Variants in AGBL4 observed in about 807,000 individuals in gnomAD.
The protein encoded by AGBL4 is AGBL carboxypeptidase 4, also known as cytosolic carboxypeptidase 6.
In AGBL4, 58 loss-of-function variants were observed where a neutral mutation model predicts 66.4. The ratio of observed to expected loss-of-function variants is 0.87; its 90% CI spans 0.71 to 1.09. The LOEUF is 1.09. AGBL4 is among the 50% of genes least tolerant of loss of function. The pLI is 0.00. For missense variants in AGBL4, 579 were observed against 631.0 expected (o/e 0.92, Z 0.88); for synonymous variants, 234 against 222.9 (o/e 1.05, Z -0.44).
chr1:49,847,720 G>C (rs1350524483), intron 2 of AGBL4, among the ~76,000 whole-genome samples: 1 of 111,684 alleles, frequency 9.0e-6, no homozygotes, highest in East Asian at 2.6e-4. Flanking sequence ...TTTTTTTTTT[G>C]AGATGGAGTC....
intron 1 of AGBL4, among the ~76,000 whole-genome samples, chr1:49,950,359 C>G (rs1656047288): frequency 6.6e-6 from 1 of 150,926 alleles, no homozygotes; most frequent in Non-Finnish European, 1.5e-5. Flanking sequence ...TATGAGGATG[C>G]AAACGCATAA....
intron 5 of AGBL4, among the ~76,000 whole-genome samples, chr1:48,900,965 A>G (rs1220882189): frequency 6.6e-6 from 1 of 152,204 alleles, no homozygotes; most frequent in African/African-American, 2.4e-5. Flanking sequence ...TGCAAATAAT[A>G]TATCTGATAA....
intron 10 of AGBL4, among the ~76,000 whole-genome samples, chr1:48,590,263 G>A (rs1389644399): frequency 1.3e-5 from 2 of 151,986 alleles, no homozygotes; most frequent in Admixed American, 6.6e-5. Context: ...AAAATTAGGC[G>A]GGTGTGGTGG....
At chr1:49,293,977 A>C (rs1228556358) in intron 3 of AGBL4, among the ~76,000 whole-genome samples, 1 of 152,198 alleles carries the variant, frequency 6.6e-6, no homozygotes. Context: ...GCAGAACTAA[A>C]TCTAAATGTC....
chr1:49,316,818 T>A (rs1264947997), intron 3 of AGBL4, among the ~76,000 whole-genome samples: 1 of 151,906 alleles, frequency 6.6e-6, no homozygotes, highest in African/African-American at 2.4e-5. Flanking sequence ...AATGCTTATA[T>A]CACTGTTTAT....
intron 3 of AGBL4, among the ~76,000 whole-genome samples, chr1:49,581,698 A>G (rs1644544632): frequency 6.6e-6 from 1 of 152,138 alleles, no homozygotes; most frequent in South Asian, 2.1e-4. Context: ...TGAATGCCAG[A>G]TGGACCCTTC....
chr1:48,772,793 G>A (rs1262293816), intron 6 of AGBL4, among the ~76,000 whole-genome samples: 1 of 152,224 alleles, frequency 6.6e-6, no homozygotes, highest in Non-Finnish European at 1.5e-5. Context: ...TGACCTGAAT[G>A]CAGGCAGTGA....
chr1:49,290,147 G>A (rs1007358699), intron 3 of AGBL4, among the ~76,000 whole-genome samples: 4 of 152,118 alleles, frequency 2.6e-5, no homozygotes, highest in African/African-American at 9.7e-5. Flanking sequence ...ATTTGTATAT[G>A]TTAGGCTTTT....
chr1:49,917,294 T>C (rs1443568133), intron 1 of AGBL4, among the ~76,000 whole-genome samples: 1 of 151,668 alleles, frequency 6.6e-6, no homozygotes, highest in Non-Finnish European at 1.5e-5. Context: ...GACTGGCAAA[T>C]TGGATAAACA....
chr1:49,021,732 T>C (rs1345541884), intron 5 of AGBL4, among the ~76,000 whole-genome samples: 1 of 152,200 alleles, frequency 6.6e-6, no homozygotes, highest in African/African-American at 2.4e-5. Flanking sequence ...AAATTGTTCC[T>C]TTTTGTTGAC....
chr1:48,727,766 CCCGATGGATCCCTGCACACACACCA>C, intron 6 of AGBL4: 1 of 949,218 alleles, frequency 1.1e-6, no homozygotes, highest in Non-Finnish European at 1.6e-6. Context: ...GACCCCAGAA[CCCGATGGATCCCTGCACACACACCA>C]CCATGCACGG....
At position 49,395,613 on chromosome 1, in the gene AGBL4, CAT is replaced by C. The variant is rs1274163801; in HGVS notation, c.283-149751_283-149750del. 2.0e-5 allele frequency among the ~76,000 whole-genome samples: 3 copies of C among 148,150 alleles called. No homozygotes were observed. The Admixed American group carries it at 2.0e-4, about 10-fold the overall frequency. On this transcript the variant is annotated intron_variant, in intron 3 of 13. Coordinates refer to ENST00000371839, the MANE Select transcript of AGBL4 (RefSeq NM_032785.4). ...GTGTCTGTGTGTGTAGTGAACTGCA[CAT>C]GTGAGGGATCTAAGTTGCATGTTCC...
At chr1:49,352,781 C>T (rs1255938356) in intron 3 of AGBL4, among the ~76,000 whole-genome samples, 1 of 152,210 alleles carries the variant, frequency 6.6e-6, no homozygotes. Flanking sequence ...CATGTTACTG[C>T]TAATCCTCAT....
chr1:49,421,812 G>T (rs895429701), intron 3 of AGBL4, among the ~76,000 whole-genome samples: 1 of 152,130 alleles, frequency 6.6e-6, no homozygotes, highest in Non-Finnish European at 1.5e-5. Context: ...AGATTTGTCT[G>T]CCAAGTTTCA....
chr1:49,029,585 TG>T (rs1291170000), intron 5 of AGBL4, among the ~76,000 whole-genome samples: 2 of 152,144 alleles, frequency 1.3e-5, no homozygotes, highest in Admixed American at 6.6e-5. Flanking sequence ...AATTAAATAT[TG>T]TTGATATGGC....
At chr1:49,625,011 C>T (rs554560602) in intron 3 of AGBL4, among the ~76,000 whole-genome samples, 2 of 152,108 alleles carry the variant, frequency 1.3e-5, no homozygotes, top group African/African-American at 4.8e-5. Context: ...CTCCTGTGCT[C>T]ACATAGGAGG....
chr1:48,547,188 T>C (rs1340550508), intron 11 of AGBL4, among the ~76,000 whole-genome samples: 1 of 152,062 alleles, frequency 6.6e-6, no homozygotes, highest in Non-Finnish European at 1.5e-5. Context: ...ACTGAAGAGT[T>C]TGAAGCAGGA....
intron 2 of AGBL4, among the ~76,000 whole-genome samples, chr1:49,837,646 C>T (rs1485123972): frequency 6.6e-6 from 1 of 152,078 alleles, no homozygotes; most frequent in African/African-American, 2.4e-5. Context: ...GGAGATCGGA[C>T]CATCCTGGCT....
intron 11 of AGBL4, among the ~76,000 whole-genome samples, chr1:48,547,506 T>G (rs1644183549): frequency 6.6e-6 from 1 of 152,020 alleles, no homozygotes; most frequent in Admixed American, 6.6e-5. Context: ...GTGGCAGGAA[T>G]AGCTTCAGGG....
Sources: gnomAD v4.1 joint callset for allele counts (sites outside exome capture counted in the v4.1 genomes callset) on GRCh38, gnomAD v4.1.1 for gene constraint, MANE v1.5 for transcripts, NCBI Gene and HGNC (gene_info 2026-07-23, HGNC 2026-07-21) for gene names.